Variants in ZNF804B observed in about 807,000 individuals in gnomAD.
ZNF804B encodes zinc finger protein 804B, also known as zinc finger 804B.
Under a neutral mutation model 101.4 loss-of-function variants are expected in ZNF804B, and 80 were observed. The ratio of observed to expected loss-of-function variants is 0.79; its 90% CI spans 0.66 to 0.95. The LOEUF (loss-of-function observed/expected upper bound fraction) is 0.95. Among genes scored for constraint, ZNF804B ranks in the 40% least tolerant of loss-of-function variants. The pLI is 0.00. For missense variants in ZNF804B, 1,673 were observed against 1,561.9 expected, an observed-to-expected ratio of 1.07 and a Z score of -1.20; for synonymous variants, 622 against 558.8, an observed-to-expected ratio of 1.11 and a Z score of -1.59.
At chr7:88,761,574 T>C (rs1349200736) in intron 1 of ZNF804B, among the ~76,000 whole-genome samples, 2 of 152,218 alleles carry the variant, frequency 1.3e-5, no homozygotes, top group African/African-American at 2.4e-5. Flanking sequence ...ACTTAAATCC[T>C]TTAAATTCTT....
intron 1 of ZNF804B, among the ~76,000 whole-genome samples, chr7:88,914,931 C>T (rs571140469): frequency 3.7e-4 from 56 of 152,042 alleles, no homozygotes; most frequent in Non-Finnish European, 5.0e-4. Flanking sequence ...AAATTTAAGG[C>T]GTTTCTAATT....
intron 1 of ZNF804B, among the ~76,000 whole-genome samples, chr7:88,811,233 G>A (rs1374905295): frequency 1.3e-5 from 2 of 152,116 alleles, no homozygotes; most frequent in Non-Finnish European, 2.9e-5. Flanking sequence ...ATGGCTGTTG[G>A]TTTGCAGCCA....
intron 1 of ZNF804B, among the ~76,000 whole-genome samples, chr7:88,975,409 G>T (rs1793602463): frequency 1.3e-5 from 2 of 151,064 alleles, no homozygotes; most frequent in Non-Finnish European, 3.0e-5. Flanking sequence ...GTGTACTAGG[G>T]TTCCCTTTTT....
At chr7:88,890,188 A>G (rs940503788) in intron 1 of ZNF804B, among the ~76,000 whole-genome samples, 2 of 152,166 alleles carry the variant, frequency 1.3e-5, no homozygotes, top group Admixed American at 1.3e-4. Flanking sequence ...ATAAGTCCAA[A>G]GGTACTCTTC....
chr7:88,832,692 G>T (rs890051388), intron 1 of ZNF804B, among the ~76,000 whole-genome samples: 2 of 151,782 alleles, frequency 1.3e-5, no homozygotes. Context: ...TTGTTTGGCC[G>T]AAGATGTGTT....
intron 1 of ZNF804B, among the ~76,000 whole-genome samples, chr7:89,082,247 G>T (rs1166234194): frequency 1.3e-5 from 2 of 151,544 alleles, no homozygotes; most frequent in African/African-American, 4.8e-5. Context: ...ATTAAAATTT[G>T]AATATAAATA....
intron 1 of ZNF804B, among the ~76,000 whole-genome samples, chr7:88,814,427 C>T (rs986934803): frequency 2.0e-5 from 3 of 150,648 alleles, no homozygotes; most frequent in Non-Finnish European, 3.0e-5. Context: ...GAACCAATCA[C>T]TGTCTCTTAC....
intron 1 of ZNF804B, chr7:88,794,414 G>C (rs780941076): frequency 1.2e-6 from 2 of 1,613,692 alleles, no homozygotes; most frequent in East Asian, 2.2e-5. Context: ...TTATGAGTTT[G>C]TGTGAGAAAA....
chr7:89,035,301 G>A (rs1397372846), intron 1 of ZNF804B, among the ~76,000 whole-genome samples: 2 of 151,946 alleles, frequency 1.3e-5, no homozygotes, highest in Non-Finnish European at 2.9e-5. Flanking sequence ...AAACTCTTTT[G>A]GTAGCTTCTA....
chr7:89,067,120 G>C (rs1469575698), intron 1 of ZNF804B, among the ~76,000 whole-genome samples: 1 of 152,076 alleles, frequency 6.6e-6, no homozygotes, highest in South Asian at 2.1e-4. Flanking sequence ...ATAAGCTACC[G>C]ATCAATCTAT....
chr7:88,883,998 T>A (rs182595653), intron 1 of ZNF804B, among the ~76,000 whole-genome samples: 90 of 152,148 alleles, frequency 5.9e-4, no homozygotes, highest in African/African-American at 2.1e-3. Flanking sequence ...AAATTGGATC[T>A]CAAGAAATCA....
intron 2 of ZNF804B, among the ~76,000 whole-genome samples, chr7:89,265,622 A>G (rs895739937): frequency 2.6e-5 from 4 of 152,374 alleles, no homozygotes; most frequent in Admixed American, 6.5e-5. Flanking sequence ...TTCCATTTAA[A>G]TTTATTTTTA....
chr7:88,851,484 A>C (rs1791449543), intron 1 of ZNF804B, among the ~76,000 whole-genome samples: 1 of 152,120 alleles, frequency 6.6e-6, no homozygotes, highest in Non-Finnish European at 1.5e-5. Context: ...CATCTTTAAA[A>C]TATCGAAACA....
intron 1 of ZNF804B, among the ~76,000 whole-genome samples, chr7:88,959,130 C>T (rs187106874): frequency 6.6e-6 from 1 of 151,486 alleles, no homozygotes; most frequent in Non-Finnish European, 1.5e-5. Flanking sequence ...ATACCAAGAT[C>T]ATCCTCTCTG....
intron 2 of ZNF804B, among the ~76,000 whole-genome samples, chr7:89,239,357 A>T (rs1789331641): frequency 6.6e-6 from 1 of 152,138 alleles, no homozygotes; most frequent in South Asian, 2.1e-4. Flanking sequence ...AATTGGCAAT[A>T]TGCCTTGAGA....
At chr7:88,781,976 T>C (rs1033155880) in intron 1 of ZNF804B, among the ~76,000 whole-genome samples, 11 of 152,154 alleles carry the variant, frequency 7.2e-5, no homozygotes, top group Non-Finnish European at 1.6e-4. Flanking sequence ...AGGTGACTCA[T>C]TGTTTATAGT....
At chr7:88,973,355 C>G (rs1477851601) in intron 1 of ZNF804B, among the ~76,000 whole-genome samples, 1 of 151,126 alleles carries the variant, frequency 6.6e-6, no homozygotes, top group African/African-American at 2.4e-5. Context: ...TAATAGGTAC[C>G]AAAAGCCACA....
chr7:88,824,834 T>C (rs1237739350), intron 1 of ZNF804B, among the ~76,000 whole-genome samples: 1 of 152,188 alleles, frequency 6.6e-6, no homozygotes, highest in Admixed American at 6.6e-5. Context: ...GACAAAATAA[T>C]ACGATCAAAG....
chr7:88,853,974 C>T (rs545364629), intron 1 of ZNF804B, among the ~76,000 whole-genome samples: 34 of 152,140 alleles, frequency 2.2e-4, no homozygotes, highest in African/African-American at 7.5e-4. Flanking sequence ...TGTTTAAAAA[C>T]CACAAATTCC....
Sources: gnomAD v4.1 joint callset for allele counts (sites outside exome capture counted in the v4.1 genomes callset) on GRCh38, gnomAD v4.1.1 for gene constraint, MANE v1.5 for transcripts, NCBI Gene and HGNC (gene_info 2026-07-23, HGNC 2026-07-21) for gene names.